Variants in SLC35F4 observed in about 807,000 individuals in gnomAD.
SLC35F4 encodes solute carrier family 35 member F4, also known as chromosome 14 open reading frame 36.
In SLC35F4, 24 loss-of-function variants were observed where a neutral mutation model predicts 44.2. The observed-to-expected ratio is 0.54, with a 90% CI of 0.39 to 0.76. The LOEUF (loss-of-function observed/expected upper bound fraction) is 0.76, where lower values mean the gene tolerates loss of function less well. Among genes scored for constraint, SLC35F4 ranks in the 30% least tolerant of loss-of-function variants. The pLI, the probability that SLC35F4 is intolerant of heterozygous loss-of-function variation, is 0.00. For missense variants in SLC35F4, 562 were observed against 586.1 expected (o/e 0.96, Z 0.42); for synonymous variants, 238 against 223.6 (o/e 1.06, Z -0.57).
intron 1 of SLC35F4, among the ~76,000 whole-genome samples, chr14:57,792,288 T>C (rs1281656177): frequency 6.6e-6 from 1 of 152,146 alleles, no homozygotes; most frequent in African/African-American, 2.4e-5. Context: ...TGGTGATCAG[T>C]GAACCCTTCT....
Position 57,892,430 on chromosome 14 carries a change from C to A in SLC35F4, n.282+89483G>T, listed in dbSNP as rs1841534829. 2.6e-5 allele frequency among the ~76,000 whole-genome samples: 4 copies of A among 152,302 alleles called. No homozygotes were observed. The South Asian group carries it at 8.3e-4, about 32-fold the overall frequency. On this transcript the variant is annotated intron_variant and non_coding_transcript_variant, in intron 1 of 1. Coordinates refer to the SLC35F4 transcript ENST00000556568. The stretch of plus-strand genomic sequence containing the variant: ...TGACTGTTCAACTGGAATCAGCCTG[C>A]TGAGGGTGTAGCTACCTATCGACTA...
intron 1 of SLC35F4, among the ~76,000 whole-genome samples, chr14:57,840,956 C>A (rs1164376788): frequency 6.6e-6 from 1 of 152,156 alleles, no homozygotes; most frequent in Non-Finnish European, 1.5e-5. Flanking sequence ...ATCTGAGGCA[C>A]TATTTTATTT....
chr14:57,597,008 G>T, intron 1 of SLC35F4: 1 of 627,810 alleles, frequency 1.6e-6, no homozygotes, highest in Non-Finnish European at 2.4e-6. Context: ...AATCCTGGAA[G>T]CGAAAACATT....
At chr14:57,842,365 G>A (rs1052105812) in intron 1 of SLC35F4, among the ~76,000 whole-genome samples, 1 of 152,102 alleles carries the variant, frequency 6.6e-6, no homozygotes, top group Non-Finnish European at 1.5e-5. Context: ...CTGGAGTGCT[G>A]GAGATATTCT....
intron 1 of SLC35F4, among the ~76,000 whole-genome samples, chr14:57,722,253 T>G (rs976399670): frequency 1.3e-5 from 2 of 152,168 alleles, no homozygotes; most frequent in East Asian, 1.9e-4. Flanking sequence ...TTCTAATCAT[T>G]TATTTGGTTA....
At chr14:57,690,959 T>C (rs964429) in intron 1 of SLC35F4, among the ~76,000 whole-genome samples, 89,930 of 151,506 alleles carry the variant, frequency 0.59, 26,760 homozygotes, top group South Asian at 0.69. Context: ...CTAACAGTAT[T>C]GGTACGTAAC....
chr14:57,848,886 C>T (rs963612277), intron 1 of SLC35F4, among the ~76,000 whole-genome samples: 1 of 152,066 alleles, frequency 6.6e-6, no homozygotes, highest in Non-Finnish European at 1.5e-5. Flanking sequence ...TCATATTGTC[C>T]CCGTGGAACT....
chr14:57,713,246 T>A (rs954922446), intron 1 of SLC35F4, among the ~76,000 whole-genome samples: 1 of 152,170 alleles, frequency 6.6e-6, no homozygotes, highest in Non-Finnish European at 1.5e-5. Context: ...GTTCAAGCAG[T>A]CCTACACAGT....
intron 1 of SLC35F4, among the ~76,000 whole-genome samples, chr14:57,950,609 T>C (rs1454830142): frequency 6.6e-6 from 1 of 151,926 alleles, no homozygotes; most frequent in Non-Finnish European, 1.5e-5. Context: ...TGTTTTGTCA[T>C]ATTACCAAAA....
In SLC35F4 at chr14:57,664,638, T is replaced by C. The variant is rs559730199; in HGVS notation, c.104-70514A>G. 2.0e-5 allele frequency among the ~76,000 whole-genome samples: 3 copies of C among 152,274 alleles called. No individual in the cohort carries two copies. The East Asian group carries it at 5.8e-4, about 29-fold the overall frequency. ...GTTGGCTAAGCTGGTCTCGAACTCC[T>C]GACCTTAGGTAATCCACTTGCCTCG... is the stretch of plus-strand genomic sequence containing the variant. On this transcript the variant is annotated intron_variant, in intron 1 of 7. Transcript: ENST00000556826.
chr14:57,970,147 G>C (rs1033255362), intron 1 of SLC35F4, among the ~76,000 whole-genome samples: 4 of 152,088 alleles, frequency 2.6e-5, no homozygotes, highest in Admixed American at 6.5e-5. Context: ...AATACAAAAT[G>C]GGTATATAGT....
upstream of SLC35F4, among the ~76,000 whole-genome samples, chr14:57,867,105 A>C (rs1888188874): frequency 6.6e-6 from 1 of 151,892 alleles, no homozygotes; most frequent in African/African-American, 2.4e-5. Context: ...CCTTCCGTGC[A>C]GAGCTGGCTT....
intron 1 of SLC35F4, among the ~76,000 whole-genome samples, chr14:57,895,909 C>G (rs888331558): frequency 6.6e-6 from 1 of 152,102 alleles, no homozygotes; most frequent in Non-Finnish European, 1.5e-5. Context: ...AATATACAAC[C>G]AATCACACTG....
intron 1 of SLC35F4, among the ~76,000 whole-genome samples, chr14:57,635,373 G>A (rs553451597): frequency 4.5e-4 from 69 of 152,152 alleles, no homozygotes; most frequent in African/African-American, 1.6e-3. Flanking sequence ...GAGAGGGGTC[G>A]GAGGGAGACT....
At position 57,822,765 on chromosome 14, in the gene SLC35F4, C is replaced by T. The variant is rs1244131916; in HGVS notation, c.103+42958G>A. Among the ~76,000 whole-genome samples the T allele has an allele frequency of 2.0e-5, 3 of 152,166 alleles. No homozygotes were observed. The East Asian group carries it at 5.8e-4, about 29-fold the overall frequency. On this transcript the variant is annotated intron_variant, in intron 1 of 7. Coordinates refer to ENST00000556826, the MANE Select transcript of SLC35F4 (RefSeq NM_001306087.2). ...TACCCTAAAATTCTGTGGCTTAAAACAACATCATTGGTTTTCCTCCTACTT... is the reference window on the plus strand; with the variant it reads ...TACCCTAAAATTCTGTGGCTTAAAATAACATCATTGGTTTTCCTCCTACTT...
intron 1 of SLC35F4, among the ~76,000 whole-genome samples, chr14:57,773,860 A>T (rs897092354): frequency 1.3e-5 from 2 of 152,214 alleles, no homozygotes; most frequent in African/African-American, 4.8e-5. Flanking sequence ...GGTATGCACT[A>T]GTCACAGGAG....
chr14:57,748,796 T>C (rs1055837472), intron 1 of SLC35F4, among the ~76,000 whole-genome samples: 1 of 152,138 alleles, frequency 6.6e-6, no homozygotes, highest in Non-Finnish European at 1.5e-5. Context: ...AGAAAAGCAA[T>C]GTGTATAGTG....
intron 1 of SLC35F4, among the ~76,000 whole-genome samples, chr14:57,641,852 T>C (rs1344466597): frequency 2.6e-5 from 4 of 152,022 alleles, no homozygotes; most frequent in African/African-American, 4.8e-5. Flanking sequence ...CACTGATGAA[T>C]AGCATAGTCT....
At chr14:57,579,481 T>C (rs1271012520) in intron 4 of SLC35F4, 1 of 152,208 alleles carries the variant, frequency 6.6e-6, no homozygotes, top group Admixed American at 6.5e-5. Flanking sequence ...TGTGCTCATT[T>C]GCTTTAATAC....
Sources: allele counts gnomAD v4.1 joint callset (sites outside exome capture counted in the v4.1 genomes callset), GRCh38; gene constraint gnomAD v4.1.1; transcripts MANE v1.5; gene names NCBI Gene and HGNC (gene_info 2026-07-23, HGNC 2026-07-21).